TXNL1: variants seen among roughly 807,000 people sequenced by gnomAD.
The protein encoded by TXNL1 is thioredoxin like 1.
TXNL1 carries 14 observed loss-of-function variants against 35.5 expected under a neutral mutation model. That is an observed-to-expected ratio of 0.39 (90% CI 0.26 to 0.62). The LOEUF is 0.62. Ranked by LOEUF, TXNL1 falls within the 20% of genes least tolerant of loss-of-function variation. TXNL1 has a pLI of 0.47. For missense variants in TXNL1, 263 were observed against 349.7 expected (o/e 0.75, Z 1.98); for synonymous variants, 110 against 115.5 (o/e 0.95, Z 0.31).
At chr18:56,607,970 A>G (rs2023929208) in intron 7 of TXNL1, among the ~76,000 whole-genome samples, 1 of 152,218 alleles carries the variant, frequency 6.6e-6, no homozygotes, top group Non-Finnish European at 1.5e-5. Flanking sequence ...TCAATTTTGC[A>G]CTATTGTAAA....
chr18:56,628,297 A>G (rs1396713940), intron 1 of TXNL1, among the ~76,000 whole-genome samples: 2 of 152,116 alleles, frequency 1.3e-5, no homozygotes, highest in African/African-American at 2.4e-5. Flanking sequence ...TTTTGGAGGG[A>G]AAAAAACCAA....
At chr18:56,616,177 G>T in intron 5 of TXNL1, 68 bp downstream of exon 5, 20 of 1,318,680 alleles carry the variant, frequency 1.5e-5, no homozygotes, top group Non-Finnish European at 2.1e-5. Context: ...TTAATAAAAA[G>T]TTTTAATTTT....
chr18:56,605,597 A>AT (rs2023880224), intron 7 of TXNL1, among the ~76,000 whole-genome samples: 1 of 152,230 alleles, frequency 6.6e-6, no homozygotes, highest in Admixed American at 6.5e-5. Context: ...TATAAAGAGC[A>AT]TATTTTAGCA....
intron 5 of TXNL1, 56 bp downstream of exon 5, chr18:56,616,189 T>C: frequency 6.8e-7 from 1 of 1,481,446 alleles, no homozygotes; most frequent in Non-Finnish European, 9.2e-7. Context: ...TTTAATTTTA[T>C]GCTAACAGTT....
intron 6 of TXNL1, among the ~76,000 whole-genome samples, chr18:56,613,291 C>T (rs1382370680): frequency 2.6e-5 from 4 of 152,224 alleles, no homozygotes; most frequent in African/African-American, 4.8e-5. Flanking sequence ...ATGACATTCT[C>T]AGTGGCTCTG....
intron 1 of TXNL1, among the ~76,000 whole-genome samples, chr18:56,637,581 A>G (rs2024476660): frequency 6.6e-6 from 1 of 152,174 alleles, no homozygotes; most frequent in African/African-American, 2.4e-5. Flanking sequence ...AATTTTGTTG[A>G]TATTTACCAA....
intron 2 of TXNL1, among the ~76,000 whole-genome samples, chr18:56,624,710 T>A (rs1258552785): frequency 6.6e-6 from 1 of 152,114 alleles, no homozygotes; most frequent in Non-Finnish European, 1.5e-5. Flanking sequence ...GGTAAATACA[T>A]CATCCAGTAG....
intron 7 of TXNL1, chr18:56,608,669 A>G (rs2023941349): frequency 6.6e-6 from 1 of 152,250 alleles, no homozygotes; most frequent in Non-Finnish European, 1.5e-5. Flanking sequence ...TCCAGGGGCT[A>G]TATGATGTGT....
At chr18:56,622,750 C>T (rs1011994482) in intron 3 of TXNL1, among the ~76,000 whole-genome samples, 7 of 152,014 alleles carry the variant, frequency 4.6e-5, no homozygotes, top group Admixed American at 1.3e-4. Context: ...AATGCAAACA[C>T]CCTTAGTAAT....
chr18:56,616,151 A>G (rs2024083251), intron 5 of TXNL1, 94 bp downstream of exon 5: 6 of 1,172,602 alleles, frequency 5.1e-6, no homozygotes, highest in Admixed American at 2.6e-5. Flanking sequence ...AAAAAAGAAA[A>G]AACAAGTACC....
At chr18:56,609,429 G>A (rs146415195) in intron 7 of TXNL1, 1 of 152,278 alleles carries the variant, frequency 6.6e-6, no homozygotes, top group Non-Finnish European at 1.5e-5. Flanking sequence ...TAGTTAGATG[G>A]ATAATTATTC....
Position 56,597,697 on chromosome 18 carries a change from A to T in TXNL1, c.*5330T>A, listed in dbSNP as rs1162064450. 6.6e-6 allele frequency: 1 copy of T among 152,116 alleles called. No homozygotes were observed. Among genetic ancestry groups the T allele is most frequent in the African/African-American group, 2.4e-5 (1 of 41,416 alleles). The allele number at this position is 152,116 out of a possible 1,614,324, so 9.4% of individuals were successfully genotyped here. On this transcript the variant is annotated 3_prime_UTR_variant, in exon 8 of 8. Coordinates refer to ENST00000217515, the MANE Select transcript of TXNL1 (RefSeq NM_004786.3). ...TTATATTCTAAAAATTCCCATTCAT[A>T]TACATATTTCAGTTTTCATCATCTA...
intron 7 of TXNL1, among the ~76,000 whole-genome samples, chr18:56,606,246 G>A (rs1046658320): frequency 2.0e-5 from 3 of 151,972 alleles, no homozygotes; most frequent in Admixed American, 6.6e-5. Context: ...GCGTAGCGGC[G>A]GGCACCTGTA....
intron 6 of TXNL1, among the ~76,000 whole-genome samples, chr18:56,613,385 G>A (rs1338622597): frequency 6.6e-6 from 1 of 152,136 alleles, no homozygotes; most frequent in African/African-American, 2.4e-5. Context: ...CTGTAGGTGA[G>A]AAGTGTGAGC....
At chr18:56,621,940 C>T (rs538186050) in intron 3 of TXNL1, among the ~76,000 whole-genome samples, 95 of 143,982 alleles carry the variant, frequency 6.6e-4, no homozygotes, top group African/African-American at 2.3e-3. Flanking sequence ...GGGCAGGGGC[C>T]AGGGGGACGG....
chr18:56,638,264 G>A (rs1010230651), intron 1 of TXNL1, 79 bp downstream of exon 1: 83 of 1,438,788 alleles, frequency 5.8e-5, no homozygotes, highest in Non-Finnish European at 7.6e-5. Context: ...CAGACGGCTA[G>A]GAAACCAGGG....
chr18:56,638,469 C>A lies in TXNL1; in HGVS notation c.-29G>T. 1 of 1,599,894 alleles carries A rather than the reference C, an allele frequency of 6.3e-7. No homozygotes were observed. Among genetic ancestry groups the A allele is most frequent in the Middle Eastern group, 1.7e-4 (1 of 6,024 alleles). On this transcript the variant is annotated 5_prime_UTR_variant, in exon 1 of 8. Coordinates refer to ENST00000217515, the MANE Select transcript of TXNL1 (RefSeq NM_004786.3). ...CACAGAGAGCCCGGCAGGGTGGCCG[C>A]GACGCCACTGGCTTTGAAACTGAAG...
At chr18:56,631,691 T>C (rs2024373784) in intron 1 of TXNL1, among the ~76,000 whole-genome samples, 1 of 152,082 alleles carries the variant, frequency 6.6e-6, no homozygotes, top group South Asian at 2.1e-4. Context: ...AGGCCAAGGC[T>C]GGTGGATCAC....
At chr18:56,614,727 A>T in intron 5 of TXNL1, 131 bp from the exon 6 acceptor site, 2 of 751,026 alleles carry the variant, frequency 2.7e-6, no homozygotes, top group Non-Finnish European at 4.0e-6. Flanking sequence ...CTCCATTATT[A>T]GAACTTGTAC....
Sources: gnomAD v4.1 joint callset for allele counts (sites outside exome capture counted in the v4.1 genomes callset) on GRCh38, gnomAD v4.1.1 for gene constraint, MANE v1.5 for transcripts, NCBI Gene and HGNC (gene_info 2026-07-23, HGNC 2026-07-21) for gene names.